NCOA2: variants seen among roughly 807,000 people sequenced by gnomAD.
NCOA2 encodes the protein nuclear receptor coactivator 2.
A neutral mutation model predicts 145.1 loss-of-function variants in NCOA2; 21 were observed. The ratio of observed to expected loss-of-function variants is 0.14; its 90% CI spans 0.10 to 0.21. The LOEUF is 0.21. Ranked by LOEUF, NCOA2 falls within the 10% of genes least tolerant of loss-of-function variation. The pLI is 1.00. For missense variants in NCOA2, 1,472 were observed against 1,837.6 expected, an observed-to-expected ratio of 0.80 and a Z score of 3.64; for synonymous variants, 619 against 637.5, an observed-to-expected ratio of 0.97 and a Z score of 0.44.
chr8:70,265,241 CTT>C (rs986224761), intron 2 of NCOA2, among the ~76,000 whole-genome samples: 6 of 152,170 alleles, frequency 3.9e-5, no homozygotes. Flanking sequence ...CCCCTTCTCT[CTT>C]TCTTTCTCTC....
At chr8:70,262,178 A>G (rs1296084967) in intron 2 of NCOA2, among the ~76,000 whole-genome samples, 1 of 152,156 alleles carries the variant, frequency 6.6e-6, no homozygotes, top group Non-Finnish European at 1.5e-5. Flanking sequence ...CTAATGGTAA[A>G]CACTTTATAT....
At chr8:70,362,838 G>C (rs1295758096) in intron 1 of NCOA2, among the ~76,000 whole-genome samples, 1 of 152,106 alleles carries the variant, frequency 6.6e-6, no homozygotes, top group Non-Finnish European at 1.5e-5. Flanking sequence ...AGCACCTTGG[G>C]AGGCCAAGGT....
intron 1 of NCOA2, among the ~76,000 whole-genome samples, chr8:70,350,084 T>C (rs1412144132): frequency 6.6e-6 from 1 of 152,174 alleles, no homozygotes; most frequent in Non-Finnish European, 1.5e-5. Flanking sequence ...ATTATTTTTA[T>C]TTAACAGAAC....
chr8:70,135,562 TA>T (rs1470909204), intron 15 of NCOA2, among the ~76,000 whole-genome samples: 3 of 152,188 alleles, frequency 2.0e-5, no homozygotes, highest in Non-Finnish European at 4.4e-5. Context: ...TCACTTCCCT[TA>T]GAGATGTCAT....
intron 2 of NCOA2, among the ~76,000 whole-genome samples, chr8:70,272,847 AAC>A (rs909993268): frequency 1.3e-5 from 2 of 151,772 alleles, no homozygotes; most frequent in Admixed American, 6.6e-5. Context: ...AGATTTATTA[AAC>A]ACTTATAAAG....
intron 4 of NCOA2, among the ~76,000 whole-genome samples, chr8:70,198,264 C>T (rs1817548837): frequency 6.6e-6 from 1 of 152,156 alleles, no homozygotes; most frequent in African/African-American, 2.4e-5. Flanking sequence ...GTTTAAACTA[C>T]ACTACAAGCC....
chr8:70,452,857 G>A, the NCOA2 span, among the ~76,000 whole-genome samples: 1 of 152,126 alleles, frequency 6.6e-6, no homozygotes, highest in African/African-American at 2.4e-5. Context: ...GGGAGTAAAT[G>A]GAAGGAAGTA....
In NCOA2 at chr8:70,112,043, T is replaced by C. The variant is rs1327516472; in HGVS notation, c.*1589A>G. On this transcript the variant is annotated 3_prime_UTR_variant, in exon 23 of 23. Coordinates refer to ENST00000452400, the MANE Select transcript of NCOA2 (RefSeq NM_006540.4). ...CCAGAGTGGGCAAGAAAAACAACCA[T>C]AAAAGTGGCCTGCTTAGTAACATGT... 2.4e-5 allele frequency: 5 copies of C among 211,910 alleles called. No homozygotes were observed. Among genetic ancestry groups the C allele is most frequent in the Admixed American group, 5.9e-5 (1 of 17,018 alleles). The allele number at this position is 211,910 out of a possible 1,614,324, so 13.1% of individuals were successfully genotyped here.
chr8:70,141,146 A>G, intron 14 of NCOA2, 38 bp downstream of exon 14: 1 of 1,575,406 alleles, frequency 6.3e-7, no homozygotes, highest in Non-Finnish European at 8.7e-7. Flanking sequence ...CTAAGAGAGC[A>G]TAAAAGTTAA....
intron 1 of NCOA2, among the ~76,000 whole-genome samples, chr8:70,313,471 C>A (rs1805295804): frequency 6.6e-6 from 1 of 152,044 alleles, no homozygotes; most frequent in Admixed American, 6.5e-5. Context: ...CCACTTCAGG[C>A]AAAGAGGTAT....
At chr8:70,401,737 T>C (rs1236925874) in intron 1 of NCOA2, 1 of 152,252 alleles carries the variant, frequency 6.6e-6, no homozygotes, top group Non-Finnish European at 1.5e-5. Context: ...ATTGTCCCCA[T>C]TCTGGCATAG....
chr8:70,392,267 G>T (rs1460076948), intron 1 of NCOA2, among the ~76,000 whole-genome samples: 2 of 152,198 alleles, frequency 1.3e-5, no homozygotes, highest in Non-Finnish European at 2.9e-5. Flanking sequence ...AGGGGAGCTA[G>T]GAGGGCAACA....
chr8:70,125,388 A>G (rs1331723959), intron 19 of NCOA2, among the ~76,000 whole-genome samples: 1 of 152,134 alleles, frequency 6.6e-6, no homozygotes, highest in Admixed American at 6.5e-5. Flanking sequence ...CAGCTTCCTG[A>G]GTAGCTGGGA....
At chr8:70,323,679 T>C (rs1237559699) in intron 1 of NCOA2, among the ~76,000 whole-genome samples, 1 of 152,184 alleles carries the variant, frequency 6.6e-6, no homozygotes, top group Non-Finnish European at 1.5e-5. Flanking sequence ...GACTACTGAT[T>C]ATATGATTAT....
chr8:70,407,070 ATG>A (rs938121920), upstream of NCOA2, among the ~76,000 whole-genome samples: 2 of 152,212 alleles, frequency 1.3e-5, no homozygotes, highest in Non-Finnish European at 2.9e-5. Flanking sequence ...GAATATTATT[ATG>A]TCAGCTAATA....
chr8:70,368,643 C>T (rs1810927007), intron 1 of NCOA2, among the ~76,000 whole-genome samples: 1 of 152,142 alleles, frequency 6.6e-6, no homozygotes, highest in Admixed American at 6.5e-5. Context: ...AAACCTTTCA[C>T]TGTATTTCTT....
intron 2 of NCOA2, among the ~76,000 whole-genome samples, chr8:70,228,240 T>C (rs1820840335): frequency 6.6e-6 from 1 of 152,146 alleles, no homozygotes; most frequent in Admixed American, 6.5e-5. Flanking sequence ...ACGATTTATA[T>C]TTTAGCTATT....
intron 1 of NCOA2, among the ~76,000 whole-genome samples, chr8:70,367,864 T>C (rs1263969844): frequency 6.6e-6 from 1 of 152,246 alleles, no homozygotes; most frequent in Non-Finnish European, 1.5e-5. Context: ...CAACTATAAA[T>C]GACAACCTTT....
intron 12 of NCOA2, among the ~76,000 whole-genome samples, chr8:70,147,550 A>G (rs1166917258): frequency 1.3e-5 from 2 of 152,230 alleles, no homozygotes; most frequent in African/African-American, 4.8e-5. Context: ...CTTCCATTCA[A>G]GATTATCAGA....
Sources: allele counts gnomAD v4.1 joint callset (sites outside exome capture counted in the v4.1 genomes callset), GRCh38; gene constraint gnomAD v4.1.1; transcripts MANE v1.5; gene names NCBI Gene and HGNC (gene_info 2026-07-23, HGNC 2026-07-21).